Variants in AFF2 observed in about 807,000 individuals in gnomAD.
The protein encoded by AFF2 is ALF transcription elongation factor 2.
A neutral mutation model predicts 76.9 loss-of-function variants in AFF2; 14 were observed. That is an observed-to-expected ratio of 0.18 (90% CI 0.12 to 0.28). The LOEUF (loss-of-function observed/expected upper bound fraction) is 0.28. Among genes scored for constraint, AFF2 ranks in the 10% least tolerant of loss-of-function variants. The pLI is 1.00. For synonymous variants in AFF2, 398 were observed against 366.7 expected, an observed-to-expected ratio of 1.09 and a Z score of -0.98; for missense variants, 868 against 1,001.1, an observed-to-expected ratio of 0.87 and a Z score of 1.79.
intron 9 of AFF2, among the ~76,000 whole-genome samples, chrX:148,939,203 A>G (rs1295161272): frequency 9.0e-6 from 1 of 111,724 alleles, no homozygotes; most frequent in African/African-American, 3.2e-5. Flanking sequence ...AAAAACGATC[A>G]TTTATACTAG....
intron 1 of AFF2, among the ~76,000 whole-genome samples, chrX:148,617,292 T>A (rs1161542990): frequency 2.7e-5 from 3 of 112,306 alleles, no homozygotes; most frequent in East Asian, 2.8e-4. Flanking sequence ...GGTATCTCAT[T>A]GTGGTTTTGA....
At chrX:148,756,363 A>G (rs1451408730) in intron 3 of AFF2, among the ~76,000 whole-genome samples, 2 of 112,319 alleles carry the variant, frequency 1.8e-5, no homozygotes, top group Admixed American at 1.9e-4. Flanking sequence ...TGTGCTGTGT[A>G]CCTTGAACTG....
chrX:148,854,455 A>G (rs1215537640), intron 7 of AFF2, among the ~76,000 whole-genome samples: 2 of 111,727 alleles, frequency 1.8e-5, no homozygotes, highest in East Asian at 5.6e-4. Flanking sequence ...CAAGATACAC[A>G]GTAAAGATGT....
chrX:148,884,413 C>G (rs1557278843), intron 7 of AFF2, among the ~76,000 whole-genome samples: 1 of 112,165 alleles, frequency 8.9e-6, no homozygotes, highest in Non-Finnish European at 1.9e-5. Context: ...CCCTGACTCT[C>G]CTTTCAATAT....
chrX:148,604,997 C>T (rs893332146), intron 1 of AFF2, among the ~76,000 whole-genome samples: 2 of 111,850 alleles, frequency 1.8e-5, no homozygotes, highest in African/African-American at 6.5e-5. Flanking sequence ...TCAAAAATCA[C>T]AAGTATTTAC....
chrX:148,562,306 A>G (rs1438872859), intron 1 of AFF2, among the ~76,000 whole-genome samples: 2 of 112,128 alleles, frequency 1.8e-5, no homozygotes, highest in Non-Finnish European at 3.8e-5. Flanking sequence ...CCATGGCTGA[A>G]TGGTGAGTAA....
At chrX:148,935,947 G>A (rs1486253780) in intron 9 of AFF2, among the ~76,000 whole-genome samples, 1 of 108,378 alleles carries the variant, frequency 9.2e-6, no homozygotes, top group East Asian at 2.9e-4. Flanking sequence ...CAGGAAAGCC[G>A]TGGAAAAGAG....
chrX:148,585,111 GA>G (rs1470985887), intron 1 of AFF2, among the ~76,000 whole-genome samples: 3 of 112,072 alleles, frequency 2.7e-5, no homozygotes, highest in Non-Finnish European at 5.6e-5. Context: ...GAAGTACTCT[GA>G]GAACTGGATT....
chrX:148,843,474 T>A (rs781861966), intron 7 of AFF2, 41 bp downstream of exon 7: 2 of 1,124,488 alleles, frequency 1.8e-6, no homozygotes, highest in East Asian at 6.0e-5. Context: ...TTTGGGGATA[T>A]TTGGCAAGGA....
intron 1 of AFF2, chrX:148,547,171 A>G (rs1426962792): frequency 9.3e-6 from 1 of 107,648 alleles, no homozygotes; most frequent in African/African-American, 3.3e-5. Flanking sequence ...TCTGAGGTTC[A>G]TTTTGAACAT....
chrX:148,948,476 G>C (rs1195809465), intron 9 of AFF2, among the ~76,000 whole-genome samples: 1 of 111,711 alleles, frequency 9.0e-6, no homozygotes, highest in Non-Finnish European at 1.9e-5. Context: ...TGGGGCCAGT[G>C]GTGCAAGTGG....
chrX:148,649,249 C>T (rs2054179252), intron 1 of AFF2, among the ~76,000 whole-genome samples: 1 of 111,898 alleles, frequency 8.9e-6, no homozygotes, highest in African/African-American at 3.3e-5. Flanking sequence ...GTAGGTATAA[C>T]AAGAGGCTAA....
rs782508143 is a variant in AFF2, at chrX:148,874,005, C to A, written c.1263-11884C>A. ...TCTATATTTACAGTTCTTTCTGATT[C>A]TATCTAGACAGCTAGTTACCTATCT... On this transcript the variant is annotated intron_variant, in intron 7 of 20. Coordinates refer to ENST00000370460, the MANE Select transcript of AFF2 (RefSeq NM_002025.4). Among the ~76,000 whole-genome samples, 6 of 111,759 alleles carry A rather than the reference C, an allele frequency of 5.4e-5. No homozygotes were observed. The East Asian group carries it at 1.7e-3, about 32-fold the overall frequency.
chrX:148,527,642 C>T (rs1012151327), intron 1 of AFF2, among the ~76,000 whole-genome samples: 3 of 111,451 alleles, frequency 2.7e-5, no homozygotes, highest in African/African-American at 9.8e-5. Flanking sequence ...ATTAACACTA[C>T]GTGAAAGATA....
intron 7 of AFF2, among the ~76,000 whole-genome samples, chrX:148,846,679 G>A (rs1439442707): frequency 5.4e-5 from 6 of 111,004 alleles, no homozygotes; most frequent in Non-Finnish European, 1.1e-4. Context: ...TAATCAAACG[G>A]AGTTTCTAAT....
At chrX:148,824,223 A>C (rs1557272811) in intron 4 of AFF2, among the ~76,000 whole-genome samples, 2 of 111,226 alleles carry the variant, frequency 1.8e-5, no homozygotes, top group Non-Finnish European at 3.8e-5. Flanking sequence ...TTCTTCATTA[A>C]GGGGAGTTGC....
In AFF2 at chrX:148,987,683, A is replaced by C. The variant is rs2072489264; in HGVS notation, c.3814+126A>C. The stretch of plus-strand genomic sequence containing the variant: ...CTCTCTGATTTCCAGAACTTAGATA[A>C]GGGAAGACAGAGTTCGCTCAGGGCT... On this transcript the variant is annotated intron_variant, in intron 20 of 20. Transcript: ENST00000370460. 6.6e-6 allele frequency: 4 copies of C among 605,818 alleles called. No homozygotes were observed. In the East Asian group the frequency reaches 1.4e-4, roughly 22 times the overall value. The allele number at this position is 605,818 out of a possible 1,213,427, so 49.9% of individuals were successfully genotyped here.
intron 1 of AFF2, among the ~76,000 whole-genome samples, chrX:148,533,056 C>G (rs1014630801): frequency 8.9e-6 from 1 of 111,882 alleles, no homozygotes; most frequent in African/African-American, 3.2e-5. Flanking sequence ...CAGTCACGCT[C>G]TATCACCACT....
intron 1 of AFF2, among the ~76,000 whole-genome samples, chrX:148,539,299 A>G (rs1461792835): frequency 2.7e-5 from 3 of 111,414 alleles, no homozygotes; most frequent in African/African-American, 9.8e-5. Flanking sequence ...ATATTAGAGA[A>G]GTTTACTAAC....
Sources: gnomAD v4.1 joint callset for allele counts (sites outside exome capture counted in the v4.1 genomes callset) on GRCh38, gnomAD v4.1.1 for gene constraint, MANE v1.5 for transcripts, NCBI Gene and HGNC (gene_info 2026-07-23, HGNC 2026-07-21) for gene names.